The following GRIN2A variants were observed in gnomAD, a reference collection of about 807,000 sequenced individuals.
GRIN2A encodes the protein glutamate receptor ionotropic, NMDA 2A.
In GRIN2A, 22 loss-of-function variants were observed where a neutral mutation model predicts 113.4. The observed-to-expected ratio is 0.19, with a 90% CI of 0.14 to 0.28. The LOEUF (loss-of-function observed/expected upper bound fraction) is 0.28, where lower values mean the gene tolerates loss of function less well. Among genes scored for constraint, GRIN2A ranks in the 10% least tolerant of loss-of-function variants. The probability of loss-of-function intolerance (pLI) is 1.00; values close to 1 mark genes in which losing one functional copy is unlikely to be tolerated. For missense variants in GRIN2A, 1,502 were observed against 1,887.0 expected, an observed-to-expected ratio of 0.80 and a Z score of 3.78; for synonymous variants, 827 against 738.4, an observed-to-expected ratio of 1.12 and a Z score of -1.94.
At chr16:10,001,130 T>C (rs2046313063) in intron 2 of GRIN2A, among the ~76,000 whole-genome samples, 1 of 152,336 alleles carries the variant, frequency 6.6e-6, no homozygotes, top group Non-Finnish European at 1.5e-5. Flanking sequence ...TTTCTTCGCC[T>C]CAGTTTCCTT....
chr16:9,946,859 G>C (rs961383097), intron 2 of GRIN2A, among the ~76,000 whole-genome samples: 2 of 152,180 alleles, frequency 1.3e-5, no homozygotes, highest in African/African-American at 4.8e-5. Flanking sequence ...TAAGCTGTAA[G>C]ATCGAGAGTT....
chr16:9,787,804 C>T (rs1348165173), intron 11 of GRIN2A, among the ~76,000 whole-genome samples: 2 of 152,196 alleles, frequency 1.3e-5, no homozygotes, highest in Admixed American at 6.5e-5. Flanking sequence ...TTTTCAGATG[C>T]TCTGCAGTTC....
rs2048615373 is a variant in GRIN2A, at chr16:10,111,587, C to G, written c.414+68411G>C. The G allele has an allele frequency of 4.1e-6, 4 of 973,854 alleles. No individual in the cohort carries two copies. In the South Asian group the frequency reaches 5.1e-5, roughly 12 times the overall value. The allele number at this position is 973,854 out of a possible 1,614,324, so 60.3% of individuals were successfully genotyped here. A position where few individuals can be genotyped will look rare whatever the true frequency, so the allele number is the denominator to read the frequency against. ...CTGAAGACACCACTGATCTCTTCCC[C>G]TATGGACACTGAGACAGAGGCCGAC... On this transcript the variant is annotated intron_variant, in intron 2 of 12. Transcript: ENST00000330684.
In GRIN2A at chr16:9,754,839, A is replaced by G. The variant is rs1239641615; in HGVS notation, c.*8310T>C. ...CTGGATCTTCGCTCTTTGCTCAGTT[A>G]TCAATAGTCTTTGATTTGAGCCCTT... On this transcript the variant is annotated 3_prime_UTR_variant, in exon 13 of 13. Coordinates refer to ENST00000330684, the MANE Select transcript of GRIN2A (RefSeq NM_001134407.3). The G allele has an allele frequency of 4.5e-6, 1 of 223,496 alleles. No homozygotes were observed. Among genetic ancestry groups the G allele is most frequent in the Non-Finnish European group, 8.9e-6 (1 of 112,024 alleles). 13.8% of individuals were successfully genotyped at this position (223,496 alleles called of 1,614,324 possible). A position where few individuals can be genotyped will look rare whatever the true frequency, so the allele number is the denominator to read the frequency against.
chr16:9,826,725 C>T (rs749161335), intron 9 of GRIN2A, among the ~76,000 whole-genome samples: 1 of 152,100 alleles, frequency 6.6e-6, no homozygotes, highest in Non-Finnish European at 1.5e-5. Flanking sequence ...ATCAGCTTGC[C>T]TCTAATGTTT....
chr16:9,946,914 C>A (rs1260943003), intron 2 of GRIN2A, among the ~76,000 whole-genome samples: 1 of 152,192 alleles, frequency 6.6e-6, no homozygotes, highest in African/African-American at 2.4e-5. Context: ...CAAGCCACAC[C>A]TGAAGACAAA....
At chr16:10,127,586 T>A (rs984726603) in intron 2 of GRIN2A, among the ~76,000 whole-genome samples, 29 of 152,330 alleles carry the variant, frequency 1.9e-4, no homozygotes, top group Non-Finnish European at 5.9e-5. Context: ...ATAAGAATAA[T>A]TGCCTGTTTA....
intron 2 of GRIN2A, among the ~76,000 whole-genome samples, chr16:10,151,624 C>T (rs1278512578): frequency 6.6e-6 from 1 of 152,198 alleles, no homozygotes; most frequent in Non-Finnish European, 1.5e-5. Context: ...TTTTTGCATC[C>T]TTCAAATCAT....
chr16:9,879,539 A>G (rs2043437457), intron 4 of GRIN2A, among the ~76,000 whole-genome samples: 1 of 152,162 alleles, frequency 6.6e-6, no homozygotes, highest in South Asian at 2.1e-4. Context: ...ATTCCTCCCC[A>G]TACCTCTCTT....
intron 3 of GRIN2A, among the ~76,000 whole-genome samples, chr16:9,905,105 T>C (rs917148465): frequency 1.3e-5 from 2 of 152,220 alleles, no homozygotes; most frequent in Non-Finnish European, 2.9e-5. Flanking sequence ...TCAATAAACA[T>C]CCATTGAACA....
chr16:9,802,896 T>A (rs2141244671), intron 10 of GRIN2A, among the ~76,000 whole-genome samples: 1 of 152,320 alleles, frequency 6.6e-6, no homozygotes, highest in African/African-American at 2.4e-5. Context: ...CCCTAGCTGT[T>A]CTGTGGCAAG....
intron 2 of GRIN2A, among the ~76,000 whole-genome samples, chr16:10,151,188 T>G (rs1316994356): frequency 2.6e-5 from 4 of 152,226 alleles, no homozygotes; most frequent in Non-Finnish European, 4.4e-5. Context: ...AGAGCTGAGA[T>G]GCAACATGCA....
chr16:10,099,433 A>G (rs2048352171), intron 2 of GRIN2A, among the ~76,000 whole-genome samples: 1 of 152,146 alleles, frequency 6.6e-6, no homozygotes, highest in Non-Finnish European at 1.5e-5. Context: ...GGGAGAAGCA[A>G]ATAACTGAGA....
At chr16:9,893,643 T>G (rs916799539) in intron 3 of GRIN2A, among the ~76,000 whole-genome samples, 1 of 152,132 alleles carries the variant, frequency 6.6e-6, no homozygotes, top group Non-Finnish European at 1.5e-5. Flanking sequence ...ATTTTTGTAT[T>G]TTTAGTAGAT....
chr16:10,155,869 T>C (rs1224282750), intron 2 of GRIN2A, among the ~76,000 whole-genome samples: 2 of 152,114 alleles, frequency 1.3e-5, no homozygotes, highest in East Asian at 3.8e-4. Flanking sequence ...CATGATTCAA[T>C]TACCTCCCAC....
intron 2 of GRIN2A, among the ~76,000 whole-genome samples, chr16:10,173,077 G>C (rs1456255920): frequency 6.6e-6 from 1 of 152,186 alleles, no homozygotes; most frequent in Non-Finnish European, 1.5e-5. Context: ...GGGCTACTTG[G>C]AGTGTGAGTC....
At chr16:9,832,993 AC>A (rs2042523268) in intron 8 of GRIN2A, among the ~76,000 whole-genome samples, 1 of 152,232 alleles carries the variant, frequency 6.6e-6, no homozygotes, top group Admixed American at 6.5e-5. Context: ...TGTATCCATC[AC>A]ATTAAAGTGC....
At chr16:9,983,789 C>A (rs952423750) in intron 2 of GRIN2A, among the ~76,000 whole-genome samples, 17 of 152,282 alleles carry the variant, frequency 1.1e-4, no homozygotes, top group African/African-American at 4.1e-4. Context: ...GTATACATAC[C>A]ACATTTTCTT....
At chr16:9,826,890 C>T (rs1050245264) in intron 9 of GRIN2A, among the ~76,000 whole-genome samples, 2 of 152,154 alleles carry the variant, frequency 1.3e-5, no homozygotes, top group African/African-American at 2.4e-5. Flanking sequence ...GTAAGGATTT[C>T]CCCCCGCCCT....
Sources: allele counts gnomAD v4.1 joint callset (sites outside exome capture counted in the v4.1 genomes callset), GRCh38; gene constraint gnomAD v4.1.1; transcripts MANE v1.5; gene names NCBI Gene and HGNC (gene_info 2026-07-23, HGNC 2026-07-21).